Variants in KIFAP3 observed in about 807,000 individuals in gnomAD.
KIFAP3 encodes kinesin associated protein 3.
A neutral mutation model predicts 106.5 loss-of-function variants in KIFAP3; 68 were observed. That is an observed-to-expected ratio of 0.64 (90% confidence interval 0.53 to 0.78). KIFAP3 has a LOEUF of 0.78. Among genes scored for constraint, KIFAP3 ranks in the 30% least tolerant of loss-of-function variants. The pLI is 0.00. For synonymous variants in KIFAP3, 320 were observed against 311.5 expected (o/e 1.03, Z -0.29); for missense variants, 780 against 941.8 (o/e 0.83, Z 2.25).
intron 17 of KIFAP3, among the ~76,000 whole-genome samples, chr1:169,966,610 T>C (rs914967532): frequency 6.6e-6 from 1 of 151,860 alleles, no homozygotes; most frequent in Middle Eastern, 3.4e-3. Context: ...TTGTTGAAAA[T>C]GGAAAATTAC....
chr1:169,983,479 AAAATGCATAACTCTTAAGGGTAC>A, intron 12 of KIFAP3, 97 bp from the exon 13 acceptor site: 1 of 725,672 alleles, frequency 1.4e-6, no homozygotes, highest in South Asian at 1.6e-5. Context: ...TACATCTAGT[AAAATGCATAACTCTTAAGGGTAC>A]AATTTGATTA....
At chr1:169,927,630 G>A (rs1381632755) in intron 19 of KIFAP3, among the ~76,000 whole-genome samples, 1 of 152,088 alleles carries the variant, frequency 6.6e-6, no homozygotes, top group East Asian at 1.9e-4. Context: ...CATGGAGTGG[G>A]CATTCAAAAA....
At chr1:169,938,352 G>A (rs659476) in intron 19 of KIFAP3, among the ~76,000 whole-genome samples, 39,005 of 151,592 alleles carry the variant, frequency 0.26, 5,334 homozygotes, top group Middle Eastern at 0.32. Context: ...TATAGCATAG[G>A]CTCCTATCAA....
chr1:170,065,771 C>G (rs569510983), intron 1 of KIFAP3, among the ~76,000 whole-genome samples: 1 of 152,080 alleles, frequency 6.6e-6, no homozygotes, highest in African/African-American at 2.4e-5. Flanking sequence ...ATTAAAAATG[C>G]AATTCCTTAG....
chr1:170,073,588 A>T, intron 1 of KIFAP3, among the ~76,000 whole-genome samples: 1 of 152,208 alleles, frequency 6.6e-6, no homozygotes, highest in East Asian at 1.9e-4. Flanking sequence ...CCATTTTCAG[A>T]TGAGGAAACC....
At chr1:169,955,774 T>A (rs930344219) in intron 18 of KIFAP3, among the ~76,000 whole-genome samples, 1 of 152,160 alleles carries the variant, frequency 6.6e-6, no homozygotes, top group African/African-American at 2.4e-5. Flanking sequence ...CTTAAGAGAT[T>A]GCTTGAGTTT....
chr1:169,999,713 C>A (rs1667562163), intron 10 of KIFAP3, among the ~76,000 whole-genome samples: 4 of 152,224 alleles, frequency 2.6e-5, no homozygotes, highest in Admixed American at 2.0e-4. Context: ...TTAGCTGGAT[C>A]ATTATTTGAA....
chr1:169,935,534 A>G (rs1209176835), intron 19 of KIFAP3, among the ~76,000 whole-genome samples: 3 of 152,012 alleles, frequency 2.0e-5, no homozygotes, highest in African/African-American at 4.8e-5. Flanking sequence ...TATAAGATAC[A>G]TTGTATTTCA....
At chr1:169,968,005 C>G (rs551385963) in intron 17 of KIFAP3, among the ~76,000 whole-genome samples, 2 of 151,930 alleles carry the variant, frequency 1.3e-5, no homozygotes, top group South Asian at 4.1e-4. Context: ...TGGAAATATT[C>G]TAGGATTATA....
chr1:169,966,223 C>G (rs1665607769), intron 17 of KIFAP3, among the ~76,000 whole-genome samples: 2 of 151,766 alleles, frequency 1.3e-5, no homozygotes, highest in Admixed American at 1.3e-4. Context: ...GTTATTTTCT[C>G]AGCTCTAAAA....
intron 19 of KIFAP3, among the ~76,000 whole-genome samples, chr1:169,941,355 T>A (rs1186098865): frequency 6.6e-6 from 1 of 152,174 alleles, no homozygotes; most frequent in East Asian, 1.9e-4. Flanking sequence ...CAAAAGTGGA[T>A]CCTCTTTTTA....
chr1:170,067,064 T>C (rs1378078473), intron 1 of KIFAP3, among the ~76,000 whole-genome samples: 2 of 151,986 alleles, frequency 1.3e-5, no homozygotes, highest in Non-Finnish European at 2.9e-5. Context: ...AGAATAATAA[T>C]AAATAAATAG....
At chr1:169,979,768 C>T (rs1300960708) in intron 15 of KIFAP3, among the ~76,000 whole-genome samples, 1 of 152,074 alleles carries the variant, frequency 6.6e-6, no homozygotes, top group East Asian at 1.9e-4. Flanking sequence ...TCTACTCCTA[C>T]GTGTGAACCT....
At chr1:169,936,479 T>A (rs1023760666) in intron 19 of KIFAP3, among the ~76,000 whole-genome samples, 1 of 151,836 alleles carries the variant, frequency 6.6e-6, no homozygotes, top group African/African-American at 2.4e-5. Flanking sequence ...AATTAAACAC[T>A]AGTGAATTGT....
chr1:169,926,014 T>C (rs907444801), intron 19 of KIFAP3, among the ~76,000 whole-genome samples: 1 of 152,140 alleles, frequency 6.6e-6, no homozygotes, highest in East Asian at 1.9e-4. Context: ...GCCAAATTAT[T>C]TTTTCAAAGG....
chr1:170,022,551 C>T (rs2102018496), intron 9 of KIFAP3, among the ~76,000 whole-genome samples: 1 of 152,226 alleles, frequency 6.6e-6, no homozygotes, highest in African/African-American at 2.4e-5. Flanking sequence ...TGGTCCTCTC[C>T]TACTTCATCT....
rs576050857 is a variant in KIFAP3, at chr1:169,953,698, T to C, written c.2273+313A>G. 3.9e-5 allele frequency among the ~76,000 whole-genome samples: 6 copies of C among 152,268 alleles called. No individual in the cohort carries two copies. In the South Asian group the frequency reaches 1.2e-3, roughly 32 times the overall value. On this transcript the variant is annotated intron_variant, in intron 19 of 19. Coordinates refer to ENST00000361580, the MANE Select transcript of KIFAP3 (RefSeq NM_014970.4). ...CCCGGCTAATTTTTTGTACTTTTAG[T>C]AGAGACGGGGTTTCACCGCGTTAGC...
chr1:170,057,587 G>A (rs1670915061), intron 1 of KIFAP3, among the ~76,000 whole-genome samples: 1 of 128,410 alleles, frequency 7.8e-6, no homozygotes, highest in Non-Finnish European at 1.6e-5. Flanking sequence ...GAGAATGACA[G>A]CTATAGTTTT....
intron 15 of KIFAP3, among the ~76,000 whole-genome samples, chr1:169,978,835 A>G (rs1666364240): frequency 1.3e-5 from 2 of 152,116 alleles, no homozygotes. Flanking sequence ...TCAGGTCAAC[A>G]GAGTATCAAA....
Sources: gnomAD v4.1 joint callset for allele counts (sites outside exome capture counted in the v4.1 genomes callset) on GRCh38, gnomAD v4.1.1 for gene constraint, MANE v1.5 for transcripts, NCBI Gene and HGNC (gene_info 2026-07-23, HGNC 2026-07-21) for gene names.